Variants in GRID1 observed in about 807,000 individuals in gnomAD.
The protein encoded by GRID1 is glutamate ionotropic receptor delta type subunit 1, also known as glutamate receptor ionotropic, delta-1.
GRID1 carries 28 observed loss-of-function variants against 98.0 expected under a neutral mutation model. The observed-to-expected ratio is 0.29, with a 90% confidence interval of 0.21 to 0.39. The LOEUF (loss-of-function observed/expected upper bound fraction) is 0.39, where lower values mean the gene tolerates loss of function less well. Among genes scored for constraint, GRID1 ranks in the 10% least tolerant of loss-of-function variants. The pLI, the probability that GRID1 is intolerant of heterozygous loss-of-function variation, is 1.00. For missense variants in GRID1, 1,111 were observed against 1,340.5 expected, an observed-to-expected ratio of 0.83 and a Z score of 2.67; for synonymous variants, 553 against 538.5, an observed-to-expected ratio of 1.03 and a Z score of -0.37.
At chr10:86,267,561 A>G (rs1430306959) in intron 2 of GRID1, among the ~76,000 whole-genome samples, 1 of 152,188 alleles carries the variant, frequency 6.6e-6, no homozygotes, top group Non-Finnish European at 1.5e-5. Flanking sequence ...TGCAGCCTAG[A>G]GCCACCCAGG....
At chr10:85,996,986 A>T (rs1842747077) in intron 4 of GRID1, among the ~76,000 whole-genome samples, 1 of 152,168 alleles carries the variant, frequency 6.6e-6, no homozygotes, top group Non-Finnish European at 1.5e-5. Context: ...AAGTTCAGAC[A>T]AATCACAATT....
chr10:85,753,743 T>A (rs978934553), intron 8 of GRID1, among the ~76,000 whole-genome samples: 2 of 152,198 alleles, frequency 1.3e-5, no homozygotes, highest in Non-Finnish European at 2.9e-5. Context: ...TGAAGTGTAA[T>A]GAAAAACTGT....
chr10:85,969,848 A>G (rs556860986), intron 4 of GRID1, among the ~76,000 whole-genome samples: 1 of 152,136 alleles, frequency 6.6e-6, no homozygotes, highest in South Asian at 2.1e-4. Flanking sequence ...AAAGATTGGA[A>G]TGGAAATAAA....
chr10:85,852,125 C>T (rs986945834), intron 8 of GRID1, among the ~76,000 whole-genome samples: 1 of 152,174 alleles, frequency 6.6e-6, no homozygotes, highest in Non-Finnish European at 1.5e-5. Flanking sequence ...AAATCCCACT[C>T]CCTGCTTTCC....
chr10:86,062,808 G>T (rs991585640), intron 4 of GRID1, among the ~76,000 whole-genome samples: 3 of 152,246 alleles, frequency 2.0e-5, no homozygotes, highest in African/African-American at 7.2e-5. Flanking sequence ...TCTGGCACAG[G>T]CAGGGCTGTT....
intron 2 of GRID1, among the ~76,000 whole-genome samples, chr10:86,314,795 G>T (rs998614697): frequency 3.9e-5 from 6 of 152,178 alleles, no homozygotes; most frequent in African/African-American, 1.4e-4. Context: ...GGAATCTGAG[G>T]CTGCCATTTG....
chr10:86,029,085 T>C (rs1240243726), intron 4 of GRID1, among the ~76,000 whole-genome samples: 1 of 152,148 alleles, frequency 6.6e-6, no homozygotes, highest in East Asian at 1.9e-4. Flanking sequence ...CAGCCTCTCC[T>C]CTCATCTCCA....
intron 4 of GRID1, among the ~76,000 whole-genome samples, chr10:86,060,443 A>G (rs1245229442): frequency 1.3e-5 from 2 of 152,188 alleles, no homozygotes; most frequent in Non-Finnish European, 2.9e-5. Context: ...AGAGCACCCA[A>G]TGTGGGCACC....
chr10:86,341,073 C>G (rs550038188), intron 2 of GRID1, among the ~76,000 whole-genome samples: 2 of 152,290 alleles, frequency 1.3e-5, no homozygotes, highest in African/African-American at 4.8e-5. Context: ...ACTCGCCCTT[C>G]TGTCTTTACC....
intron 9 of GRID1, among the ~76,000 whole-genome samples, chr10:85,728,336 G>A (rs1841785539): frequency 6.6e-6 from 1 of 152,094 alleles, no homozygotes; most frequent in African/African-American, 2.4e-5. Context: ...TGAATAACAT[G>A]GTTTGTTTTC....
chr10:85,692,477 C>T (rs1590192145), intron 12 of GRID1, among the ~76,000 whole-genome samples: 1 of 151,752 alleles, frequency 6.6e-6, no homozygotes, highest in South Asian at 2.1e-4. Context: ...GTCTGGGAAA[C>T]ATGGCAAAAT....
chr10:85,773,786 C>T (rs980419755), intron 8 of GRID1, among the ~76,000 whole-genome samples: 1 of 152,136 alleles, frequency 6.6e-6, no homozygotes, highest in Non-Finnish European at 1.5e-5. Flanking sequence ...AGGACCTCTT[C>T]AAGGAGAACT....
chr10:85,698,857 T>C (rs1590194708), intron 12 of GRID1, among the ~76,000 whole-genome samples: 1 of 152,156 alleles, frequency 6.6e-6, no homozygotes, highest in Non-Finnish European at 1.5e-5. Flanking sequence ...AGGTGTGTAG[T>C]GGTATTCCAC....
intron 4 of GRID1, among the ~76,000 whole-genome samples, chr10:86,137,426 A>C (rs1166080899): frequency 6.6e-6 from 1 of 152,210 alleles, no homozygotes; most frequent in Non-Finnish European, 1.5e-5. Flanking sequence ...CAAGCTTCAC[A>C]GCAGAGCAAG....
intron 2 of GRID1, among the ~76,000 whole-genome samples, chr10:86,351,805 C>T (rs182843735): frequency 6.6e-5 from 10 of 152,348 alleles, no homozygotes; most frequent in Admixed American, 1.3e-4. Context: ...ATCATGAGAA[C>T]AATAACTGTA....
intron 3 of GRID1, among the ~76,000 whole-genome samples, chr10:86,162,486 A>C (rs1382144718): frequency 6.6e-6 from 1 of 152,204 alleles, no homozygotes; most frequent in East Asian, 1.9e-4. Flanking sequence ...ACCTAAAAGC[A>C]AGGGGCAGCC....
chr10:85,833,335 T>A (rs1043476654), intron 8 of GRID1, among the ~76,000 whole-genome samples: 7 of 152,094 alleles, frequency 4.6e-5, no homozygotes, highest in African/African-American at 1.4e-4. Context: ...GCCTGGAAAA[T>A]CCCTGTCATA....
In GRID1 at chr10:85,723,031, T is replaced by C. The variant is rs1841720702; in HGVS notation, c.1969A>G (p.Thr657Ala). 1 of 1,612,144 alleles carries C rather than the reference T, an allele frequency of 6.2e-7. No individual in the cohort carries two copies. Among genetic ancestry groups the C allele is most frequent in the Non-Finnish European group, 8.5e-7 (1 of 1,179,192 alleles). ...ATGGGGTTGTCCATCCTGGACACTG[T>C]GAGGAAGGCAGCAAGGTTGGCTGTG... ...SYTANLAAFL[T>A]VSRMDNPIRT... is the part of the protein sequence containing the mutation. The change falls in exon 12 of 16, where the codon ACA becomes GCA. Residue 657 changes from threonine (T) to alanine (A), a missense_variant. Thr to Ala is a moderately conservative substitution (Grantham distance 58). Transcript: ENST00000327946.
At chr10:86,196,648 C>T (rs1466389162) in intron 3 of GRID1, among the ~76,000 whole-genome samples, 2 of 152,072 alleles carry the variant, frequency 1.3e-5, no homozygotes, top group Admixed American at 1.3e-4. Context: ...GTTTTGTAGT[C>T]ATTCTTGACT....
Sources: gnomAD v4.1 joint callset for allele counts (sites outside exome capture counted in the v4.1 genomes callset) on GRCh38, gnomAD v4.1.1 for gene constraint, MANE v1.5 for transcripts, NCBI Gene and HGNC (gene_info 2026-07-23, HGNC 2026-07-21) for gene names.